The following TBCA variants were observed in gnomAD, a reference collection of about 807,000 sequenced individuals.
TBCA encodes tubulin folding cofactor A.
Under a neutral mutation model 15.8 loss-of-function variants are expected in TBCA, and 6 were observed. The observed-to-expected ratio is 0.38, with a 90% CI of 0.21 to 0.75. The LOEUF is 0.75. TBCA is among the 30% of genes least tolerant of loss of function. The pLI is 0.46. For missense variants in TBCA, 90 were observed against 131.2 expected (o/e 0.69, Z 1.53); for synonymous variants, 32 against 42.3 (o/e 0.76, Z 0.94).
At chr5:77,692,867 A>C in intron 3 of TBCA, 2 of 1,135,434 alleles carry the variant, frequency 1.8e-6, no homozygotes, top group Non-Finnish European at 2.2e-6. Context: ...GAAAGAATTC[A>C]AGATCCTTTT....
At chr5:77,720,364 A>G (rs1746504371) in intron 1 of TBCA, among the ~76,000 whole-genome samples, 1 of 152,112 alleles carries the variant, frequency 6.6e-6, no homozygotes, top group African/African-American at 2.4e-5. Context: ...AAAATAGCTA[A>G]GTTGTCTGCA....
chr5:77,692,354 T>C (rs1745770962), intron 3 of TBCA: 21 of 985,348 alleles, frequency 2.1e-5, no homozygotes, highest in Non-Finnish European at 2.5e-5. Context: ...CACATCTTTG[T>C]TCTCTGTTAG....
chr5:77,747,376 G>GT, intron 1 of TBCA, among the ~76,000 whole-genome samples: 1 of 151,974 alleles, frequency 6.6e-6, no homozygotes, highest in South Asian at 2.1e-4. Context: ...TAATCAAAAC[G>GT]TAATATAAAA....
rs933729089 is a variant in TBCA, at chr5:77,712,769, C to T, written c.54-4422G>A. On this transcript the variant is annotated intron_variant, in intron 1 of 3. Transcript: ENST00000380377. ...GTGTACCATCTAATGTGAATAGTTA[C>T]GTTTCACTGCAGAAATATTAATGTG... 3.3e-5 allele frequency among the ~76,000 whole-genome samples: 5 copies of T among 152,182 alleles called. No homozygotes were observed. The East Asian group carries it at 5.8e-4, about 18-fold the overall frequency.
intron 1 of TBCA, among the ~76,000 whole-genome samples, chr5:77,717,175 C>A (rs573043622): frequency 5.9e-5 from 9 of 152,156 alleles, no homozygotes; most frequent in Middle Eastern, 3.2e-3. Flanking sequence ...ACCGTAAAAG[C>A]GTACTGCTTC....
chr5:77,731,463 A>G (rs1342839085), intron 1 of TBCA, among the ~76,000 whole-genome samples: 1 of 152,204 alleles, frequency 6.6e-6, no homozygotes, highest in African/African-American at 2.4e-5. Context: ...AAGTGCTCAC[A>G]ACCATGCCAA....
Position 77,715,532 on chromosome 5 carries a change from T to C in TBCA, c.54-7185A>G, listed in dbSNP as rs1405460959. ...CTCTCAATTATAAAAATGAAAATAA[T>C]TAGAAACTCCAGGAACCTCATCCCC... On this transcript the variant is annotated intron_variant, in intron 1 of 3. Coordinates refer to ENST00000380377, the MANE Select transcript of TBCA (RefSeq NM_004607.3). Among the ~76,000 whole-genome samples the C allele has an allele frequency of 3.9e-5, 6 of 151,996 alleles. No individual in the cohort carries two copies. The East Asian group carries it at 9.6e-4, about 24-fold the overall frequency.
chr5:77,699,174 G>A (rs1275879873), intron 2 of TBCA, among the ~76,000 whole-genome samples: 1 of 151,698 alleles, frequency 6.6e-6, no homozygotes, highest in Non-Finnish European at 1.5e-5. Context: ...TCCATTAACT[G>A]GGACATCAAT....
intron 1 of TBCA, among the ~76,000 whole-genome samples, chr5:77,741,191 G>A (rs1446942162): frequency 6.6e-6 from 1 of 152,206 alleles, no homozygotes; most frequent in South Asian, 2.1e-4. Context: ...TAGGGTTGTG[G>A]AGAAGATAAT....
At chr5:77,701,817 C>T (rs567381803) in intron 2 of TBCA, among the ~76,000 whole-genome samples, 62 of 149,032 alleles carry the variant, frequency 4.2e-4, no homozygotes, top group African/African-American at 1.5e-3. Flanking sequence ...AGTGAGGTAA[C>T]TCAGTATATA....
chr5:77,722,170 AC>A (rs1561270648), intron 1 of TBCA, among the ~76,000 whole-genome samples: 1 of 152,048 alleles, frequency 6.6e-6, no homozygotes, highest in Non-Finnish European at 1.5e-5. Context: ...TTATACATAA[AC>A]ATACATCTGT....
At chr5:77,738,693 A>T (rs1317097462) in intron 1 of TBCA, among the ~76,000 whole-genome samples, 1 of 152,120 alleles carries the variant, frequency 6.6e-6, no homozygotes, top group East Asian at 1.9e-4. Flanking sequence ...AGAAATTCTC[A>T]TGCCTTAGCC....
intron 2 of TBCA, among the ~76,000 whole-genome samples, chr5:77,702,426 A>T (rs352554): frequency 0.38 from 58,237 of 152,088 alleles, 11,209 homozygotes; most frequent in South Asian, 0.41. Flanking sequence ...CAATTTTAAA[A>T]GGTTACATAC....
At chr5:77,768,292 C>A (rs150452510) in intron 1 of TBCA, among the ~76,000 whole-genome samples, 20 of 152,140 alleles carry the variant, frequency 1.3e-4, no homozygotes, top group Non-Finnish European at 2.5e-4. Flanking sequence ...TACATGATTA[C>A]CTTATTTAAT....
rs746140897 is a variant in TBCA, at chr5:77,691,379, C to G, written c.*39G>C. The G allele has an allele frequency of 1.4e-5, 21 of 1,545,548 alleles. No individual in the cohort carries two copies. The South Asian group carries it at 2.4e-4, about 17-fold the overall frequency. On this transcript the variant is annotated 3_prime_UTR_variant, in exon 4 of 4. Transcript: ENST00000380377. ...AAATAATGGATTGTAAAATGGACCC[C>G]AGGATTTAATGCAAAAACCACCCCA...
chr5:77,704,946 T>G (rs1163143284), intron 2 of TBCA, among the ~76,000 whole-genome samples: 1 of 152,230 alleles, frequency 6.6e-6, no homozygotes, highest in Non-Finnish European at 1.5e-5. Context: ...AAAAGAGAAT[T>G]TTAACATGTC....
At chr5:77,734,734 C>A (rs1350322752) in intron 1 of TBCA, among the ~76,000 whole-genome samples, 1 of 152,142 alleles carries the variant, frequency 6.6e-6, no homozygotes, top group Admixed American at 6.5e-5. Context: ...AAAAGAAGTT[C>A]TACGTGAGTA....
chr5:77,763,436 T>C (rs996439848), intron 1 of TBCA, among the ~76,000 whole-genome samples: 2 of 152,118 alleles, frequency 1.3e-5, no homozygotes, highest in African/African-American at 4.8e-5. Flanking sequence ...TACAATCCCT[T>C]TGGAAGTCTG....
intron 1 of TBCA, among the ~76,000 whole-genome samples, chr5:77,755,993 G>C (rs923286130): frequency 6.6e-6 from 1 of 152,070 alleles, no homozygotes; most frequent in Non-Finnish European, 1.5e-5. Context: ...CAACAAGAGC[G>C]AAACTTTATC....
Sources: allele counts gnomAD v4.1 joint callset (sites outside exome capture counted in the v4.1 genomes callset), GRCh38; gene constraint gnomAD v4.1.1; transcripts MANE v1.5; gene names NCBI Gene and HGNC (gene_info 2026-07-23, HGNC 2026-07-21).